Variants in MAPRE1 observed in about 807,000 individuals in gnomAD.
The protein encoded by MAPRE1 is microtubule associated protein RP/EB family member 1.
MAPRE1 carries 5 observed loss-of-function variants against 32.1 expected under a neutral mutation model. The observed-to-expected ratio is 0.16, with a 90% CI of 0.08 to 0.33. MAPRE1 has a LOEUF of 0.33. Ranked by LOEUF, MAPRE1 falls within the 10% of genes least tolerant of loss-of-function variation. MAPRE1 has a pLI of 1.00. For missense variants in MAPRE1, 209 were observed against 327.2 expected (o/e 0.64, Z 2.79); for synonymous variants, 122 against 118.9 (o/e 1.03, Z -0.17).
At position 32,849,884 on chromosome 20, in the gene MAPRE1, A is replaced by G. The variant is rs555621706; in HGVS notation, c.*1156A>G. 6 of 152,776 alleles carry G rather than the reference A, an allele frequency of 3.9e-5. No homozygotes were observed. The highest frequency in any genetic ancestry group is 1.4e-4 in the African/African-American group (6 of 41,578). The allele number at this position is 152,776 out of a possible 1,614,324, so 9.5% of individuals were successfully genotyped here. The stretch of plus-strand genomic sequence containing the variant: ...GTGCACTAATCTCTTTGGAGATAAA[A>G]TTCATTAGTGTGTTACTAAATGTTA... On this transcript the variant is annotated 3_prime_UTR_variant, in exon 7 of 7. Coordinates refer to ENST00000375571, the MANE Select transcript of MAPRE1 (RefSeq NM_012325.3).
At chr20:32,842,242 C>T (rs1319145526) in intron 5 of MAPRE1, among the ~76,000 whole-genome samples, 1 of 152,144 alleles carries the variant, frequency 6.6e-6, no homozygotes, top group Non-Finnish European at 1.5e-5. Flanking sequence ...CCCGCCACCA[C>T]GCCTGGCTAA....
intron 2 of MAPRE1, among the ~76,000 whole-genome samples, chr20:32,832,807 C>CTTTTTTTTT (rs35277682): frequency 3.4e-5 from 2 of 58,780 alleles, no homozygotes; most frequent in African/African-American, 7.7e-5. Context: ...CAGAGTTTCG[C>CTTTTTTTTT]TTTTTTTTTT....
chr20:32,829,187 C>T (rs1982950501), intron 2 of MAPRE1, among the ~76,000 whole-genome samples: 1 of 152,174 alleles, frequency 6.6e-6, no homozygotes, highest in South Asian at 2.1e-4. Context: ...GCTAGGATTA[C>T]AGGTGTGAGC....
At chr20:32,836,942 T>A in intron 4 of MAPRE1, 101 bp downstream of exon 4, 2 of 1,011,086 alleles carry the variant, frequency 2.0e-6, no homozygotes, top group Non-Finnish European at 2.9e-6. Flanking sequence ...TTAGGGATCT[T>A]AAGAAATATA....
chr20:32,844,904 G>A (rs1258506433), intron 5 of MAPRE1, among the ~76,000 whole-genome samples: 1 of 152,198 alleles, frequency 6.6e-6, no homozygotes, highest in African/African-American at 2.4e-5. Context: ...TTCAGGAAAG[G>A]CAGCAAACTG....
rs1413298169 is a variant in MAPRE1, at chr20:32,826,917, G to T, written c.121+869G>T. On this transcript the variant is annotated intron_variant, in intron 2 of 6. Transcript: ENST00000375571. ...GCCTGAAGCTCAGCCCCGACTTCTT[G>T]GTGTCTATTATTGTGCATCCAGATT... Among the ~76,000 whole-genome samples the T allele has an allele frequency of 2.0e-5, 3 of 152,076 alleles. No homozygotes were observed. In the East Asian group the frequency reaches 5.8e-4, roughly 29 times the overall value.
intron 1 of MAPRE1, among the ~76,000 whole-genome samples, chr20:32,825,326 C>T (rs1261659500): frequency 2.0e-5 from 3 of 152,062 alleles, no homozygotes; most frequent in Admixed American, 2.0e-4. Context: ...TATTTAGTGC[C>T]TCTTATAGTT....
In MAPRE1 at chr20:32,836,863, G is replaced by A. The variant is rs781583940; in HGVS notation, c.475+22G>A. ...GCAGGTAAAAAAACAACCCCAAAAC[G>A]TTTCCAAAAAATAGCGTTCCAGATA... On this transcript the variant is annotated intron_variant, in intron 4 of 6. Coordinates refer to ENST00000375571, the MANE Select transcript of MAPRE1 (RefSeq NM_012325.3). 59 of 1,571,356 alleles carry A rather than the reference G, an allele frequency of 3.8e-5. No homozygotes were observed. The Middle Eastern group carries it at 5.1e-4, about 14-fold the overall frequency.
At chr20:32,829,687 T>C (rs966872617) in intron 2 of MAPRE1, among the ~76,000 whole-genome samples, 5 of 149,372 alleles carry the variant, frequency 3.3e-5, no homozygotes, top group African/African-American at 1.2e-4. Flanking sequence ...GAGGGCAAAG[T>C]GCTGAGGTCC....
intron 5 of MAPRE1, among the ~76,000 whole-genome samples, chr20:32,840,528 G>T (rs891408368): frequency 6.6e-6 from 1 of 151,922 alleles, no homozygotes; most frequent in African/African-American, 2.4e-5. Flanking sequence ...TCTCACTATG[G>T]TGCCAAGGCT....
At chr20:32,828,630 A>G (rs892819079) in intron 2 of MAPRE1, among the ~76,000 whole-genome samples, 1 of 152,196 alleles carries the variant, frequency 6.6e-6, no homozygotes, top group Non-Finnish European at 1.5e-5. Flanking sequence ...AGAATCACCT[A>G]TAATAACAGC....
At chr20:32,829,396 A>G (rs1413756327) in intron 2 of MAPRE1, among the ~76,000 whole-genome samples, 2 of 152,204 alleles carry the variant, frequency 1.3e-5, no homozygotes, top group South Asian at 4.1e-4. Context: ...TGTGTTTCAC[A>G]TTGGTGTTTA....
intron 3 of MAPRE1, among the ~76,000 whole-genome samples, chr20:32,835,041 T>C (rs777380716): frequency 2.6e-5 from 4 of 152,188 alleles, no homozygotes; most frequent in Non-Finnish European, 5.9e-5. Flanking sequence ...TATAATACAT[T>C]GCAACTGGAA....
intron 2 of MAPRE1, among the ~76,000 whole-genome samples, chr20:32,829,790 C>T (rs1186754730): frequency 6.6e-6 from 1 of 152,142 alleles, no homozygotes; most frequent in Non-Finnish European, 1.5e-5. Flanking sequence ...TTGCTTGGCT[C>T]TGGTAGAGGG....
At chr20:32,831,635 C>T (rs1601163540) in intron 2 of MAPRE1, among the ~76,000 whole-genome samples, 1 of 151,472 alleles carries the variant, frequency 6.6e-6, no homozygotes, top group South Asian at 2.1e-4. Context: ...CGGGTTAAAG[C>T]GATTCTCCTG....
In MAPRE1 at chr20:32,844,439, C is replaced by CTTTTTTTTTTTTTTTTTTTTT. The variant is rs71190880; in HGVS notation, c.598-2168_598-2148dup. Among the ~76,000 whole-genome samples, 6 of 52,050 alleles carry CTTTTTTTTTTTTTTTTTTTTT rather than the reference C, an allele frequency of 1.2e-4. 1 individual carries two copies. Among genetic ancestry groups the CTTTTTTTTTTTTTTTTTTTTT allele is most frequent in the Non-Finnish European group, 1.7e-4 (5 of 29,928 alleles). 34.1% of individuals were successfully genotyped at this position (52,050 alleles called of 152,430 possible). A position where few individuals can be genotyped will look rare whatever the true frequency, so the allele number is the denominator to read the frequency against. On this transcript the variant is annotated intron_variant, in intron 5 of 6. Transcript: ENST00000375571. ...CTAGGTGGATACCAAGCTAGCATTC[C>CTTTTTTTTTTTTTTTTTTTTT]TTTTTTTTTTTTTTTTTTTTTTTTT...
intron 5 of MAPRE1, among the ~76,000 whole-genome samples, chr20:32,844,175 C>T (rs892818165): frequency 6.5e-4 from 99 of 152,128 alleles, no homozygotes; most frequent in Middle Eastern, 3.4e-3. Context: ...TTTTAATAAC[C>T]TCATGAATAC....
chr20:32,846,796 T>G (rs1292747186), intron 6 of MAPRE1, 26 bp downstream of exon 6: 1 of 1,611,750 alleles, frequency 6.2e-7, no homozygotes, highest in Non-Finnish European at 8.5e-7. Context: ...GAGGATATTT[T>G]CTTTCCATTT....
chr20:32,821,694 C>T (rs754979499), intron 1 of MAPRE1, among the ~76,000 whole-genome samples: 1 of 152,192 alleles, frequency 6.6e-6, no homozygotes, highest in Non-Finnish European at 1.5e-5. Flanking sequence ...TCACATAGGT[C>T]CTTTCTGGTG....
Sources: allele counts gnomAD v4.1 joint callset (sites outside exome capture counted in the v4.1 genomes callset), GRCh38; gene constraint gnomAD v4.1.1; transcripts MANE v1.5; gene names NCBI Gene and HGNC (gene_info 2026-07-23, HGNC 2026-07-21).